PTPN7: variants seen among roughly 807,000 people sequenced by gnomAD.
The protein encoded by PTPN7 is tyrosine-protein phosphatase non-receptor type 7.
In PTPN7, 33 loss-of-function variants were observed where a neutral mutation model predicts 50.3. The ratio of observed to expected loss-of-function variants is 0.66; its 90% CI spans 0.50 to 0.88. PTPN7 has a LOEUF of 0.88. PTPN7 is among the 40% of genes least tolerant of loss of function. The pLI is 0.00. For synonymous variants in PTPN7, 185 were observed against 186.6 expected, an observed-to-expected ratio of 0.99 and a Z score of 0.07; for missense variants, 412 against 475.4, an observed-to-expected ratio of 0.87 and a Z score of 1.24.
chr1:202,159,135 C>T lies in PTPN7; in HGVS notation c.122+146G>A, dbSNP rs1034727763. On this transcript the variant is annotated intron_variant, in intron 2 of 9. Coordinates refer to ENST00000691036, the MANE Select transcript of PTPN7 (RefSeq NM_002832.4). This position sits in a 1 kb window ranked among gnomAD's most constrained non-coding sequence, Gnocchi z 4.6. ...GACATGCAAAAGACATGCAAATGAG[C>T]ACTACTGGTTTCCTTTCCAAATTGG... The T allele has an allele frequency of 1.4e-6, 1 of 714,618 alleles. No homozygotes were observed. The highest frequency in any genetic ancestry group is 1.8e-5 in the South Asian group (1 of 56,368). The allele number at this position is 714,618 out of a possible 1,614,324, so 44.3% of individuals were successfully genotyped here. A position where few individuals can be genotyped will look rare whatever the true frequency, so the allele number is the denominator to read the frequency against.
chr1:202,149,147 G>A (rs978648160), intron 9 of PTPN7, among the ~76,000 whole-genome samples: 17 of 152,008 alleles, frequency 1.1e-4, no homozygotes, highest in African/African-American at 3.6e-4. Flanking sequence ...GAGCCACCAT[G>A]CCCCACCACC....
At position 202,154,979 on chromosome 1, in the gene PTPN7, C is replaced by A. The variant is rs148531099; in HGVS notation, c.468+554G>T. On this transcript the variant is annotated intron_variant, in intron 5 of 9. Coordinates refer to ENST00000691036, the MANE Select transcript of PTPN7 (RefSeq NM_002832.4). The stretch of plus-strand genomic sequence containing the variant: ...AAGAGCTTTTCGCCTCCCTGCGCCC[C>A]TGACTGATGTCTTACCCACATTGAG... Among the ~76,000 whole-genome samples the A allele has an allele frequency of 1.9e-3, 291 of 152,328 alleles. 1 individual carries two copies. Among genetic ancestry groups the A allele is most frequent in the African/African-American group, 6.7e-3 (278 of 41,586 alleles).
chr1:202,155,575 C>T lies in PTPN7; in HGVS notation c.426G>A (p.Gln142=), dbSNP rs1168028788. The change falls in exon 5 of 10, where the codon CAG becomes CAA. Residue 142 remains glutamine (Q), a synonymous_variant. Coordinates refer to ENST00000691036, the MANE Select transcript of PTPN7 (RefSeq NM_002832.4). ...PQSRVCLGRA[Q]SQEDGDYINA... ...TGATGTAATCTCCGTCCTCCTGGCT[C>T]TGTGCCCGGCCTAGACAGACACGGC... is the stretch of plus-strand genomic sequence containing the variant. 1.9e-6 allele frequency: 3 copies of T among 1,574,380 alleles called. No homozygotes were observed. Among genetic ancestry groups the T allele is most frequent in the Non-Finnish European group, 1.7e-6 (2 of 1,144,046 alleles).
rs1657162167 is a variant in PTPN7, at chr1:202,159,907, G to C, written c.-52-453C>G. ...GAGGCCTCCAGCAGTGTTGGAGCTG[G>C]TTGGGCAGCCAGGCAGGCGGGCTCC... On this transcript the variant is annotated intron_variant, in intron 1 of 9. Transcript: ENST00000691036. This position sits in a 1 kb window ranked among gnomAD's most constrained non-coding sequence, Gnocchi z 4.6. 1 of 1,013,436 alleles carries C rather than the reference G, an allele frequency of 9.9e-7. No individual in the cohort carries two copies. The highest frequency in any genetic ancestry group is 1.7e-5 in the African/African-American group (1 of 58,194). The allele number at this position is 1,013,436 out of a possible 1,614,324, so 62.8% of individuals were successfully genotyped here. A position where few individuals can be genotyped will look rare whatever the true frequency, so the allele number is the denominator to read the frequency against.
upstream of PTPN7, chr1:202,160,695 T>C (rs763612080): frequency 5.2e-6 from 8 of 1,550,470 alleles, no homozygotes; most frequent in Non-Finnish European, 6.1e-6. The surrounding 1 kb of genome is among the most constrained non-coding windows in gnomAD (Gnocchi z 4.8). Flanking sequence ...CATTCTGCCC[T>C]CCTGTGCCTG....
At position 202,160,101 on chromosome 1, in the gene PTPN7, C is replaced by T. The variant is rs768519684; in HGVS notation, c.-53+444G>A. 1.3e-4 allele frequency: 74 copies of T among 568,188 alleles called. No homozygotes were observed. The highest frequency in any genetic ancestry group is 8.6e-4 in the Middle Eastern group (1 of 1,164). The allele number at this position is 568,188 out of a possible 1,614,324, so 35.2% of individuals were successfully genotyped here. ...CGTCACAGGAAATGGCCTCACCAAG[C>T]CCTTGAACGACAGCGCATGGTGAGG... On this transcript the variant is annotated intron_variant, in intron 1 of 9. Coordinates refer to ENST00000691036, the MANE Select transcript of PTPN7 (RefSeq NM_002832.4). The surrounding 1 kb of genome is among the most constrained non-coding windows in gnomAD (Gnocchi z 4.8).
At chr1:202,155,032 C>T (rs1342090077) in intron 5 of PTPN7, among the ~76,000 whole-genome samples, 1 of 152,202 alleles carries the variant, frequency 6.6e-6, no homozygotes, top group East Asian at 1.9e-4. Context: ...TTTTACATCT[C>T]CTTAGGGCCC....
intron 9 of PTPN7, 167 bp downstream of exon 9, chr1:202,150,144 T>A: frequency 1.7e-6 from 1 of 604,240 alleles, no homozygotes; most frequent in Non-Finnish European, 3.0e-6. Context: ...TCCAGATAGA[T>A]ATTTTTTCCT....
intron 4 of PTPN7, 145 bp downstream of exon 4, chr1:202,157,594 G>A: frequency 1.5e-6 from 1 of 684,286 alleles, no homozygotes; most frequent in Non-Finnish European, 2.5e-6. Context: ...TGTGATTCTT[G>A]CTCCTTCTTC....
chr1:202,158,124 T>G lies in PTPN7; in HGVS notation c.300A>C (p.Glu100Asp). 1 of 1,591,746 alleles carries G rather than the reference T, an allele frequency of 6.3e-7. No homozygotes were observed. Among genetic ancestry groups the G allele is most frequent in the Non-Finnish European group, 8.5e-7 (1 of 1,169,776 alleles). Residue 100 changes from glutamate to aspartate, a missense_variant, in exon 3 of 10, where the codon GAA (glutamate) becomes GAC (aspartate). Physicochemically the swap from Glu to Asp is conservative, Grantham distance 45. Transcript: ENST00000691036. The part of the protein sequence containing the change: ...QPPSPKQLEE[E>D]FLKIPSNFVS... ...GGGGACCCCAATTTCTTACCAAGAA[T>G]TCTTCTTCCAGTTGCTTGGGGCTGG...
chr1:202,161,188 C>T (rs1657339435), upstream of PTPN7: 20 of 1,121,006 alleles, frequency 1.8e-5, 1 homozygote, highest in South Asian at 2.4e-5. Context: ...AGGAAAGGGC[C>T]GGGGCCAGGC....
chr1:202,160,750 C>A, upstream of PTPN7: 2 of 1,550,778 alleles, frequency 1.3e-6, no homozygotes, highest in South Asian at 2.4e-5. The surrounding 1 kb of genome is among the most constrained non-coding windows in gnomAD (Gnocchi z 4.8). Flanking sequence ...CTGTGCCCTT[C>A]TGGGGCCCAA....
Position 202,160,390 on chromosome 1 carries a change from T to C in PTPN7, c.-53+155A>G, listed in dbSNP as rs1657239644. On this transcript the variant is annotated intron_variant, in intron 1 of 9. Coordinates refer to ENST00000691036, the MANE Select transcript of PTPN7 (RefSeq NM_002832.4). This position sits in a 1 kb window ranked among gnomAD's most constrained non-coding sequence, Gnocchi z 4.8. Reference sequence around the variant, plus strand: ...GTGGCTTCCCTGCTCACCCCCGTCTTGGGGACATCAGGTCTGTGAGCACCC... The same window carrying C: ...GTGGCTTCCCTGCTCACCCCCGTCTCGGGGACATCAGGTCTGTGAGCACCC... Among the ~76,000 whole-genome samples the C allele has an allele frequency of 6.6e-6, 1 of 152,044 alleles. No homozygotes were observed. The highest frequency in any genetic ancestry group is 1.5e-5 in the Non-Finnish European group (1 of 67,984).
chr1:202,150,982 C>T (rs1655947432), intron 8 of PTPN7, among the ~76,000 whole-genome samples: 1 of 152,176 alleles, frequency 6.6e-6, no homozygotes, highest in African/African-American at 2.4e-5. Flanking sequence ...CTGCACATGT[C>T]CCAGTGCTAC....
At chr1:202,150,223 T>C in intron 9 of PTPN7, 88 bp downstream of exon 9, 2 of 991,536 alleles carry the variant, frequency 2.0e-6, no homozygotes, top group Non-Finnish European at 3.1e-6. Context: ...GAGTGCTTGA[T>C]GGTGATGGGC....
upstream of PTPN7, chr1:202,160,616 G>T (rs562489791): frequency 2.6e-6 from 4 of 1,550,534 alleles, no homozygotes; most frequent in East Asian, 7.3e-5. The surrounding 1 kb of genome is among the most constrained non-coding windows in gnomAD (Gnocchi z 4.8). Flanking sequence ...TTTGAGGGCT[G>T]AGAAGGCTCC....
intron 8 of PTPN7, among the ~76,000 whole-genome samples, chr1:202,152,271 ATC>A (rs1414865263): frequency 6.6e-6 from 1 of 152,208 alleles, no homozygotes; most frequent in Non-Finnish European, 1.5e-5. Context: ...AACAGCTGGA[ATC>A]CTGTTTATGT....
Position 202,155,541 on chromosome 1 carries a change from A to AGTTG in PTPN7, c.456_459dup (p.Tyr154GlnfsTer7). 1 of 1,550,850 alleles carries AGTTG rather than the reference A, an allele frequency of 6.4e-7. No individual in the cohort carries two copies. Among genetic ancestry groups the AGTTG allele is most frequent in the Non-Finnish European group, 8.9e-7 (1 of 1,122,602 alleles). On this transcript the variant is annotated frameshift_variant, in exon 5 of 10. Coordinates refer to ENST00000691036, the MANE Select transcript of PTPN7 (RefSeq NM_002832.4). LOFTEE classifies it high-confidence loss of function. ...GCAGCCAGGCCACTCACTCGGATGT[A>AGTTG]GTTGGCATTGATGTAATCTCCGTCC...
At position 202,152,529 on chromosome 1, in the gene PTPN7, G is replaced by A; in HGVS notation, c.875+13C>T. 1 of 1,610,226 alleles carries A rather than the reference G, an allele frequency of 6.2e-7. No homozygotes were observed. Among genetic ancestry groups the A allele is most frequent in the Non-Finnish European group, 8.5e-7 (1 of 1,179,494 alleles). On this transcript the variant is annotated intron_variant, in intron 8 of 9. Coordinates refer to ENST00000691036, the MANE Select transcript of PTPN7 (RefSeq NM_002832.4). ...CACAGTCCACAGGCTGCAGTGAAGG[G>A]AGGGCCACGCACCTGCAGTGGACTA...
Sources: gnomAD v4.1 joint callset for allele counts (sites outside exome capture counted in the v4.1 genomes callset) on GRCh38, gnomAD v4.1.1 for gene constraint, Gnocchi (gnomAD v3.1) non-coding constraint, MANE v1.5 for transcripts, NCBI Gene and HGNC (gene_info 2026-07-23, HGNC 2026-07-21) for gene names.